Variants in SUMF1 observed in about 807,000 individuals in gnomAD.
SUMF1 encodes the protein sulfatase modifying factor 1.
A neutral mutation model predicts 47.6 loss-of-function variants in SUMF1; 48 were observed. The ratio of observed to expected loss-of-function variants is 1.01; its 90% confidence interval spans 0.80 to 1.28. The LOEUF is 1.28. Among genes scored for constraint, SUMF1 ranks in the 50% most tolerant of loss-of-function variants. The pLI is 0.00. For missense variants in SUMF1, 571 were observed against 485.4 expected, an observed-to-expected ratio of 1.18 and a Z score of -1.66; for synonymous variants, 230 against 192.1, an observed-to-expected ratio of 1.20 and a Z score of -1.63.
chr3:4,252,257 T>A (rs1696819573), intron 8 of SUMF1, among the ~76,000 whole-genome samples: 1 of 152,136 alleles, frequency 6.6e-6, no homozygotes, highest in Non-Finnish European at 1.5e-5. Flanking sequence ...TACATAAGTG[T>A]CATTTCTAGG....
chr3:4,379,341 TATAAG>T (rs1293161561), intron 7 of SUMF1, among the ~76,000 whole-genome samples: 1 of 152,166 alleles, frequency 6.6e-6, no homozygotes, highest in Non-Finnish European at 1.5e-5. Context: ...CTGGTGTCCT[TATAAG>T]ATGAGGAGAG....
intron 8 of SUMF1, among the ~76,000 whole-genome samples, chr3:4,364,808 T>G (rs906218305): frequency 1.1e-4 from 16 of 152,124 alleles, no homozygotes; most frequent in African/African-American, 3.9e-4. Context: ...TTCTTTTAAT[T>G]GTGATGTTAG....
intron 8 of SUMF1, chr3:4,316,126 G>T: frequency 1.5e-5 from 8 of 519,778 alleles, no homozygotes; most frequent in East Asian, 3.2e-5. Context: ...ATTCTTAAAT[G>T]TGGTCATGTT....
Position 4,182,364 on chromosome 3 carries a change from T to A in SUMF1, c.1015-113619A>T, listed in dbSNP as rs1695114670. Among the ~76,000 whole-genome samples, 8 of 150,578 alleles carry A rather than the reference T, an allele frequency of 5.3e-5. No individual in the cohort carries two copies. The South Asian group carries it at 1.7e-3, about 31-fold the overall frequency. ...GTAATCTGTGCATGATAAATCCAACTTCCAAGTTATATCTATTAATAAATT... is the reference window on the plus strand; with the variant it reads ...GTAATCTGTGCATGATAAATCCAACATCCAAGTTATATCTATTAATAAATT... On this transcript the variant is annotated intron_variant and NMD_transcript_variant, in intron 8 of 12. Transcript: ENST00000448413.
At chr3:4,351,682 G>T (rs1051724689) in intron 8 of SUMF1, among the ~76,000 whole-genome samples, 7 of 152,176 alleles carry the variant, frequency 4.6e-5, no homozygotes, top group Non-Finnish European at 1.0e-4. Flanking sequence ...TAAAAAAGAA[G>T]TGACACATGG....
intron 8 of SUMF1, among the ~76,000 whole-genome samples, chr3:4,243,434 T>A (rs527380210): frequency 1.1e-3 from 167 of 152,376 alleles, no homozygotes; most frequent in African/African-American, 3.9e-3. Context: ...CTGCTTTAAA[T>A]GTGTCCCAGA....
intron 8 of SUMF1, among the ~76,000 whole-genome samples, chr3:4,078,418 T>A (rs1478237143): frequency 6.6e-6 from 1 of 152,136 alleles, no homozygotes; most frequent in Non-Finnish European, 1.5e-5. Flanking sequence ...TAATTAGACT[T>A]AACTTTGATC....
At chr3:4,409,187 C>CT (rs1701464903) in intron 7 of SUMF1, among the ~76,000 whole-genome samples, 2 of 152,018 alleles carry the variant, frequency 1.3e-5, no homozygotes, top group African/African-American at 4.8e-5. Context: ...ATGATCATGG[C>CT]TTTTCTGCTG....
At chr3:4,174,822 T>A (rs1165156850) in intron 8 of SUMF1, among the ~76,000 whole-genome samples, 1 of 152,092 alleles carries the variant, frequency 6.6e-6, no homozygotes, top group East Asian at 1.9e-4. Context: ...AAAGGGACAC[T>A]CCCACTCAAA....
chr3:4,123,015 A>G (rs1189414939), intron 8 of SUMF1, among the ~76,000 whole-genome samples: 1 of 152,202 alleles, frequency 6.6e-6, no homozygotes, highest in Non-Finnish European at 1.5e-5. Flanking sequence ...GCATCGTTCT[A>G]TACTTTAGGT....
At chr3:4,372,547 T>G (rs561037393) in intron 8 of SUMF1, among the ~76,000 whole-genome samples, 2 of 152,312 alleles carry the variant, frequency 1.3e-5, no homozygotes, top group African/African-American at 4.8e-5. Flanking sequence ...ATAATAAAGA[T>G]GATGCTGATA....
chr3:4,219,716 C>T (rs1696019719), intron 8 of SUMF1, among the ~76,000 whole-genome samples: 1 of 152,214 alleles, frequency 6.6e-6, no homozygotes, highest in Non-Finnish European at 1.5e-5. Context: ...TGAGGTACCT[C>T]CATAAGAAAT....
At position 4,273,761 on chromosome 3, in the gene SUMF1, G is replaced by GGGGAGGATACGGGA. The variant is rs1697354213; in HGVS notation, c.1014+102555_1014+102568dup. 4.0e-4 allele frequency among the ~76,000 whole-genome samples: 22 copies of GGGGAGGATACGGGA among 55,434 alleles called. 1 individual carries two copies. Among genetic ancestry groups the GGGGAGGATACGGGA allele is most frequent in the East Asian group, 2.8e-3 (5 of 1,776 alleles). 36.4% of individuals were successfully genotyped at this position (55,434 alleles called of 152,430 possible). A position where few individuals can be genotyped will look rare whatever the true frequency, so the allele number is the denominator to read the frequency against. Reference sequence around the variant, plus strand: ...AGGATACGGGAGGGAGGATACGGGAGGGGAGGATACGGGAGGGGAGGATAC... The same window carrying GGGGAGGATACGGGA: ...AGGATACGGGAGGGAGGATACGGGAGGGGAGGATACGGGAGGGAGGATACGGGAGGGGAGGATAC... On this transcript the variant is annotated intron_variant and NMD_transcript_variant, in intron 8 of 12. Transcript: ENST00000448413.
intron 8 of SUMF1, among the ~76,000 whole-genome samples, chr3:4,168,173 C>A (rs1466998805): frequency 1.3e-5 from 2 of 152,188 alleles, no homozygotes; most frequent in African/African-American, 4.8e-5. Context: ...AAGAACTCCT[C>A]TCTTTCCAAA....
intron 8 of SUMF1, among the ~76,000 whole-genome samples, chr3:4,189,252 C>A (rs1398140391): frequency 2.0e-5 from 3 of 152,000 alleles, no homozygotes; most frequent in African/African-American, 7.2e-5. Flanking sequence ...TGGGAGAGGA[C>A]CCTGAATACT....
At chr3:4,145,230 A>G (rs1242215582) in intron 8 of SUMF1, among the ~76,000 whole-genome samples, 2 of 150,060 alleles carry the variant, frequency 1.3e-5, no homozygotes, top group African/African-American at 2.4e-5. Flanking sequence ...TCCTACAGTC[A>G]TGCATGTAAT....
chr3:4,391,884 T>A (rs942049546), intron 7 of SUMF1, among the ~76,000 whole-genome samples: 1 of 151,546 alleles, frequency 6.6e-6, no homozygotes, highest in Non-Finnish European at 1.5e-5. Context: ...CTGGAGTGCA[T>A]TGGTGCAATC....
At chr3:4,130,877 T>C (rs1426859630) in intron 8 of SUMF1, among the ~76,000 whole-genome samples, 3 of 152,086 alleles carry the variant, frequency 2.0e-5, no homozygotes, top group Non-Finnish European at 4.4e-5. Flanking sequence ...CCAGGCTGGT[T>C]TGCAAGCTGC....
chr3:4,465,464 C>A (rs2079918372), intron 1 of SUMF1, among the ~76,000 whole-genome samples: 1 of 148,090 alleles, frequency 6.8e-6, no homozygotes, highest in African/African-American at 2.5e-5. Context: ...GGTGACAGAG[C>A]GAGACTCCGT....
Sources: allele counts gnomAD v4.1 joint callset (sites outside exome capture counted in the v4.1 genomes callset), GRCh38; gene constraint gnomAD v4.1.1; transcripts MANE v1.5; gene names NCBI Gene and HGNC (gene_info 2026-07-23, HGNC 2026-07-21).